Variants in CDH18 observed in about 807,000 individuals in gnomAD.
CDH18 encodes the protein cadherin 18, also known as cadherin-18.
CDH18 carries 31 observed loss-of-function variants against 67.9 expected under a neutral mutation model. The observed-to-expected ratio is 0.46, with a 90% CI of 0.34 to 0.62. The LOEUF (loss-of-function observed/expected upper bound fraction) is 0.62, where lower values mean the gene tolerates loss of function less well. Ranked by LOEUF, CDH18 falls within the 20% of genes least tolerant of loss-of-function variation. The pLI, the probability that CDH18 is intolerant of heterozygous loss-of-function variation, is 0.01. For synonymous variants in CDH18, 362 were observed against 347.2 expected (o/e 1.04, Z -0.48); for missense variants, 890 against 975.5 (o/e 0.91, Z 1.17).
At chr5:19,632,222 A>C (rs1015816957) in intron 5 of CDH18, among the ~76,000 whole-genome samples, 6 of 152,196 alleles carry the variant, frequency 3.9e-5, no homozygotes, top group Admixed American at 3.3e-4. Flanking sequence ...CAGACATATA[A>C]GTCTGAAACT....
chr5:19,990,992 G>A (rs1487226062), upstream of CDH18, among the ~76,000 whole-genome samples: 1 of 152,116 alleles, frequency 6.6e-6, no homozygotes, highest in Non-Finnish European at 1.5e-5. Context: ...TCCCACTTGG[G>A]TTACCTTGGG....
At chr5:19,983,163 C>T (rs2150366413) in intron 1 of CDH18, among the ~76,000 whole-genome samples, 1 of 151,688 alleles carries the variant, frequency 6.6e-6, no homozygotes, top group East Asian at 1.9e-4. Flanking sequence ...ACACTGGTAA[C>T]TGTGGATCTA....
At chr5:19,697,031 A>T (rs1237036157) in intron 5 of CDH18, among the ~76,000 whole-genome samples, 1 of 152,234 alleles carries the variant, frequency 6.6e-6, no homozygotes, top group Non-Finnish European at 1.5e-5. Context: ...TACTAGCTCA[A>T]TGAATGAAAC....
In CDH18 at chr5:19,973,542, A is replaced by G. The variant is rs555951275; in HGVS notation, c.-257+7518T>C. The stretch of plus-strand genomic sequence containing the variant: ...AAGGTTTACTTTTTACTTGGAGGTG[A>G]GAAAAAAGGAAAGGAATAAGCTAAT... On this transcript the variant is annotated intron_variant, in intron 2 of 12. Coordinates refer to ENST00000382275, the MANE Select transcript of CDH18 (RefSeq NM_004934.5). Among the ~76,000 whole-genome samples, 5 of 152,306 alleles carry G rather than the reference A, an allele frequency of 3.3e-5. No individual in the cohort carries two copies. The South Asian group carries it at 1.0e-3, about 32-fold the overall frequency.
chr5:19,904,656 C>G (rs575997477), intron 2 of CDH18, among the ~76,000 whole-genome samples: 3 of 152,144 alleles, frequency 2.0e-5, no homozygotes, highest in African/African-American at 7.2e-5. Flanking sequence ...TAAATGACTA[C>G]TATATTTGGT....
chr5:20,522,980 T>A (rs946028689), intron 1 of CDH18, among the ~76,000 whole-genome samples: 1 of 152,172 alleles, frequency 6.6e-6, no homozygotes, highest in Non-Finnish European at 1.5e-5. Flanking sequence ...TTCTTTGAAG[T>A]AGCTACTTGC....
chr5:19,794,915 A>T (rs1040120863), intron 3 of CDH18, among the ~76,000 whole-genome samples: 8 of 152,128 alleles, frequency 5.3e-5, no homozygotes, highest in African/African-American at 1.7e-4. Context: ...TCTGAAAGGT[A>T]TGAAAAAGGC....
chr5:19,840,738 T>C (rs1782217985), intron 2 of CDH18, among the ~76,000 whole-genome samples: 1 of 152,054 alleles, frequency 6.6e-6, no homozygotes, highest in Non-Finnish European at 1.5e-5. Context: ...TGACTGAAAT[T>C]ATAAGCTTAT....
chr5:19,761,572 CT>C (rs1366238281), intron 3 of CDH18, among the ~76,000 whole-genome samples: 2 of 151,726 alleles, frequency 1.3e-5, no homozygotes, highest in Non-Finnish European at 2.9e-5. Context: ...CAAAAAAAAA[CT>C]GCCCAACAAA....
chr5:20,296,182 T>C (rs1747500780), intron 1 of CDH18, among the ~76,000 whole-genome samples: 1 of 151,060 alleles, frequency 6.6e-6, no homozygotes, highest in African/African-American at 2.4e-5. Context: ...CCGACAAATT[T>C]TCATAATGGA....
At chr5:20,029,720 T>C (rs1408939530) in intron 2 of CDH18, among the ~76,000 whole-genome samples, 1 of 152,236 alleles carries the variant, frequency 6.6e-6, no homozygotes, top group Non-Finnish European at 1.5e-5. Flanking sequence ...CTTGTACTAA[T>C]TGCATTATTC....
intron 5 of CDH18, among the ~76,000 whole-genome samples, chr5:19,690,462 GAAATGT>G (rs1217869902): frequency 1.3e-5 from 2 of 151,384 alleles, no homozygotes; most frequent in Non-Finnish European, 3.0e-5. Context: ...AGAGAAGAAT[GAAATGT>G]AATAGAGACA....
chr5:19,495,971 T>C (rs1742259137), intron 11 of CDH18, among the ~76,000 whole-genome samples: 1 of 152,090 alleles, frequency 6.6e-6, no homozygotes, highest in Admixed American at 6.5e-5. Flanking sequence ...ACAATTAAAT[T>C]GGAAATTGAG....
At chr5:20,286,878 C>A (rs1240700725) in intron 1 of CDH18, among the ~76,000 whole-genome samples, 2 of 151,776 alleles carry the variant, frequency 1.3e-5, no homozygotes, top group Non-Finnish European at 3.0e-5. Context: ...AAATAAAAGT[C>A]ATTCACCTGC....
At chr5:19,950,295 C>T (rs976908341) in intron 2 of CDH18, among the ~76,000 whole-genome samples, 6 of 151,918 alleles carry the variant, frequency 3.9e-5, no homozygotes, top group Non-Finnish European at 7.4e-5. Flanking sequence ...TCGTTATGTT[C>T]GCACTTATAA....
At chr5:19,599,041 CAT>C (rs751444446) in intron 6 of CDH18, among the ~76,000 whole-genome samples, 3 of 152,014 alleles carry the variant, frequency 2.0e-5, no homozygotes, top group Non-Finnish European at 4.4e-5. Flanking sequence ...TTTTAAAAAT[CAT>C]ATGACTCAAT....
intron 2 of CDH18, among the ~76,000 whole-genome samples, chr5:19,904,040 G>C (rs928083161): frequency 6.6e-6 from 1 of 151,890 alleles, no homozygotes; most frequent in African/African-American, 2.4e-5. Flanking sequence ...TTGGGAGGCC[G>C]AGGCAGGCAG....
chr5:20,405,670 A>T (rs1275465035), intron 1 of CDH18, among the ~76,000 whole-genome samples: 3 of 152,138 alleles, frequency 2.0e-5, no homozygotes, highest in African/African-American at 7.2e-5. Context: ...ATGGGAGAAA[A>T]TTTTTGCAAT....
rs1287939722 is a variant in CDH18, at chr5:19,948,891, A to T, written c.-257+32169T>A. On this transcript the variant is annotated intron_variant, in intron 2 of 12. Coordinates refer to ENST00000382275, the MANE Select transcript of CDH18 (RefSeq NM_004934.5). ...GTGCCCAGAGTTTGCTCAAGAACTCAAGCAAGTTAAGGAAAGCTAGTGTAT... is the reference window on the plus strand; with the variant it reads ...GTGCCCAGAGTTTGCTCAAGAACTCTAGCAAGTTAAGGAAAGCTAGTGTAT... 2.6e-5 allele frequency among the ~76,000 whole-genome samples: 4 copies of T among 152,318 alleles called. No homozygotes were observed. In the East Asian group the frequency reaches 7.7e-4, roughly 29 times the overall value.
Sources: gnomAD v4.1 joint callset for allele counts (sites outside exome capture counted in the v4.1 genomes callset) on GRCh38, gnomAD v4.1.1 for gene constraint, MANE v1.5 for transcripts, NCBI Gene and HGNC (gene_info 2026-07-23, HGNC 2026-07-21) for gene names.